The following STARD10 variants were observed in gnomAD, a reference collection of about 807,000 sequenced individuals.
STARD10 encodes the protein StAR related lipid transfer domain containing 10.
STARD10 carries 24 observed loss-of-function variants against 36.0 expected under a neutral mutation model. That is an observed-to-expected ratio of 0.67 (90% CI 0.48 to 0.94). The LOEUF is 0.94. Ranked by LOEUF, STARD10 falls within the 40% of genes least tolerant of loss-of-function variation. The probability of loss-of-function intolerance (pLI) is 0.00; values close to 1 mark genes in which losing one functional copy is unlikely to be tolerated. For missense variants in STARD10, 335 were observed against 396.6 expected (o/e 0.84, Z 1.32); for synonymous variants, 156 against 161.9 (o/e 0.96, Z 0.28).
chr11:72,757,776 C>G lies in STARD10; in HGVS notation c.568G>C (p.Asp190His). ...AGGGCCAAGCCCTCACCTTTGGGGT[C>G]CACCTGGGCCAGGTAGGTGATGACG... ...SCVITYLAQV[D>H]PKGSLPKWVV... The change falls in exon 5 of 7, where the codon GAC (aspartate) becomes CAC (histidine). Residue 190 changes from aspartate (D) to histidine (H), a missense_variant. By Grantham distance (81) the Asp-to-His change is moderately conservative. Coordinates refer to ENST00000334805, the MANE Select transcript of STARD10 (RefSeq NM_006645.3). The G allele has an allele frequency of 6.2e-7, 1 of 1,614,028 alleles. No individual in the cohort carries two copies. Among genetic ancestry groups the G allele is most frequent in the Non-Finnish European group, 8.5e-7 (1 of 1,179,976 alleles).
intron 2 of STARD10, among the ~76,000 whole-genome samples, chr11:72,776,849 T>C (rs1279835910): frequency 3.3e-5 from 5 of 152,108 alleles, no homozygotes; most frequent in African/African-American, 9.6e-5. Context: ...GGCTTTGGTG[T>C]CTGGAACCCA....
chr11:72,780,833 G>A (rs1481204252), intron 2 of STARD10, 142 bp downstream of exon 2: 1 of 874,266 alleles, frequency 1.1e-6, no homozygotes, highest in African/African-American at 1.7e-5. Context: ...AGCAGACTGT[G>A]TCTCCTCCCG....
At chr11:72,785,732 G>C (rs910429724) in intron 1 of STARD10, 1 of 152,508 alleles carries the variant, frequency 6.6e-6, no homozygotes, top group African/African-American at 2.4e-5. Context: ...AGCCTCCCTC[G>C]GTGGCCCCCA....
chr11:72,758,530 G>A lies in STARD10; in HGVS notation c.459C>T (p.Pro153=), dbSNP rs375840359. The change falls in exon 4 of 7, where the codon CCC becomes CCT. Residue 153 remains proline, a splice_region_variant and synonymous_variant. Transcript: ENST00000334805. The part of the protein sequence containing the change: ...YIIMNYSVKH[P]KYPPRKDLVR... ...CCGCAGGGAAGGCAGGTTGACTCAC[G>A]GGATGTTTGACTGAGTAGTTCATAA... The A allele has an allele frequency of 1.2e-5, 20 of 1,612,900 alleles. No individual in the cohort carries two copies. The highest frequency in any genetic ancestry group is 2.7e-5 in the African/African-American group (2 of 74,910).
At chr11:72,789,530 C>T (rs577417686) in intron 1 of STARD10, among the ~76,000 whole-genome samples, 1 of 152,332 alleles carries the variant, frequency 6.6e-6, no homozygotes, top group Middle Eastern at 3.4e-3. Context: ...TCCTTGCACC[C>T]ACACAGCCCC....
At chr11:72,771,890 G>A (rs1020668234) in intron 2 of STARD10, among the ~76,000 whole-genome samples, 12 of 152,158 alleles carry the variant, frequency 7.9e-5, no homozygotes, top group African/African-American at 2.9e-4. Context: ...AAGGGGTAGG[G>A]GATGCCAGTG....
chr11:72,764,656 G>A (rs908503276), intron 2 of STARD10, among the ~76,000 whole-genome samples: 2 of 152,228 alleles, frequency 1.3e-5, no homozygotes, highest in African/African-American at 2.4e-5. Flanking sequence ...TGCGGGCGGC[G>A]GTGGCCACGC....
At chr11:72,778,259 G>A (rs1277437275) in intron 2 of STARD10, among the ~76,000 whole-genome samples, 4 of 152,204 alleles carry the variant, frequency 2.6e-5, no homozygotes, top group Non-Finnish European at 5.9e-5. Context: ...CCTCAGCTGT[G>A]GCATGACCTT....
In STARD10 at chr11:72,755,006, T is replaced by C; in HGVS notation, c.767A>G (p.His256Arg). The C allele has an allele frequency of 6.2e-7, 1 of 1,613,210 alleles. No homozygotes were observed. The highest frequency in any genetic ancestry group is 8.5e-7 in the Non-Finnish European group (1 of 1,179,758). The change falls in exon 7 of 7, where the codon CAT (histidine) becomes CGT (arginine). Residue 256 changes from histidine to arginine, a missense_variant. Coordinates refer to ENST00000334805, the MANE Select transcript of STARD10 (RefSeq NM_006645.3). ...SLALSELSVQ[H>R]ADSLENIDES... The stretch of plus-strand genomic sequence containing the variant: ...GTCGATGTTCTCCAGTGAGTCCGCA[T>C]GCTGCACCGACAGCTCCGACAGCGC...
rs1415824045 is a variant in STARD10 at position 72,781,726 on chromosome 11, C to T, written c.-113-432G>A. ...GGTGCCAGCGCCGCCGCCGCAGCTGCCCGGGAGACCCGGGGCCGCGCGGGG... is the reference window on the plus strand; with the variant it reads ...GGTGCCAGCGCCGCCGCCGCAGCTGTCCGGGAGACCCGGGGCCGCGCGGGG... On this transcript the variant is annotated intron_variant, in intron 1 of 6. Coordinates refer to ENST00000334805, the MANE Select transcript of STARD10 (RefSeq NM_006645.3). This position sits in a 1 kb window ranked among gnomAD's most constrained non-coding sequence, Gnocchi z 4.7. 6.7e-6 allele frequency: 1 copy of T among 148,154 alleles called. No individual in the cohort carries two copies. The highest frequency in any genetic ancestry group is 1.5e-5 in the Non-Finnish European group (1 of 66,508). 9.2% of individuals were successfully genotyped at this position (148,154 alleles called of 1,614,324 possible).
chr11:72,791,425 C>T (rs1175709644), intron 1 of STARD10, among the ~76,000 whole-genome samples: 1 of 152,166 alleles, frequency 6.6e-6, no homozygotes, highest in Non-Finnish European at 1.5e-5. Flanking sequence ...CCTTTTCTGG[C>T]CGGGCGTGGT....
chr11:72,771,029 G>A (rs1279139696), intron 2 of STARD10, among the ~76,000 whole-genome samples: 1 of 152,152 alleles, frequency 6.6e-6, no homozygotes, highest in Non-Finnish European at 1.5e-5. Flanking sequence ...CTAAGAGGTT[G>A]GTATAATAAA....
Position 72,775,527 on chromosome 11 carries a change from G to T in STARD10, c.207+5448C>A, listed in dbSNP as rs558233526. On this transcript the variant is annotated intron_variant, in intron 2 of 6. Coordinates refer to ENST00000334805, the MANE Select transcript of STARD10 (RefSeq NM_006645.3). ...CTTTGCACAGCTGCTGCTCTGTATG[G>T]AATGCTCCCGACACGATCAAACTTG... Among the ~76,000 whole-genome samples the T allele has an allele frequency of 2.0e-5, 3 of 152,052 alleles. No individual in the cohort carries two copies. In the East Asian group the frequency reaches 5.8e-4, roughly 29 times the overall value.
Position 72,781,292 on chromosome 11 carries a change from G to T in STARD10, c.-111C>A. ...GCAGATGCTGACGCCACCTTCCTGG[G>T]ACCTGCAAGACCGGTTTGGGGACGG... On this transcript the variant is annotated splice_region_variant and 5_prime_UTR_variant, in exon 2 of 7. Transcript: ENST00000334805. This position sits in a 1 kb window ranked among gnomAD's most constrained non-coding sequence, Gnocchi z 4.7. 1.1e-6 allele frequency: 1 copy of T among 879,572 alleles called. No homozygotes were observed. Among genetic ancestry groups the T allele is most frequent in the South Asian group, 1.6e-5 (1 of 62,006 alleles). 54.5% of individuals were successfully genotyped at this position (879,572 alleles called of 1,614,324 possible). A position where few individuals can be genotyped will look rare whatever the true frequency, so the allele number is the denominator to read the frequency against.
chr11:72,788,538 A>G (rs1246026202), intron 1 of STARD10, among the ~76,000 whole-genome samples: 1 of 151,238 alleles, frequency 6.6e-6, no homozygotes, highest in Non-Finnish European at 1.5e-5. Context: ...ATGTACTTAT[A>G]GTAAAAATGT....
intron 4 of STARD10, 90 bp downstream of exon 4, chr11:72,758,440 G>A (rs551892757): frequency 1.2e-5 from 12 of 1,024,404 alleles, no homozygotes; most frequent in South Asian, 2.7e-5. Context: ...ATGCCTGCCC[G>A]AAGTCATATT....
intron 2 of STARD10, chr11:72,780,689 G>A (rs1663694487): frequency 4.1e-6 from 2 of 492,592 alleles, no homozygotes; most frequent in African/African-American, 1.9e-5. Flanking sequence ...TCTCCTAGAA[G>A]GGCCTGGCAG....
intron 2 of STARD10, among the ~76,000 whole-genome samples, chr11:72,772,675 CTCTT>C (rs1372427600): frequency 1.3e-5 from 2 of 152,148 alleles, no homozygotes; most frequent in African/African-American, 4.8e-5. Context: ...CTCTCTCTCT[CTCTT>C]TCTCTGCCAT....
intron 2 of STARD10, among the ~76,000 whole-genome samples, chr11:72,778,187 T>G (rs1009194448): frequency 6.6e-6 from 1 of 152,180 alleles, no homozygotes; most frequent in African/African-American, 2.4e-5. Context: ...TTGACTAAGA[T>G]GCGAGCCCAT....
Sources: allele counts gnomAD v4.1 joint callset (sites outside exome capture counted in the v4.1 genomes callset), GRCh38; gene constraint gnomAD v4.1.1; non-coding constraint Gnocchi (gnomAD v3.1); transcripts MANE v1.5; gene names NCBI Gene and HGNC (gene_info 2026-07-23, HGNC 2026-07-21).